Variants in SPATA2L observed in about 807,000 individuals in gnomAD.
The protein encoded by SPATA2L is spermatogenesis associated 2 like.
SPATA2L carries 5 observed loss-of-function variants against 8.7 expected under a neutral mutation model. That is an observed-to-expected ratio of 0.57 (90% CI 0.30 to 1.21). The LOEUF is 1.21. Among genes scored for constraint, SPATA2L ranks in the 50% most tolerant of loss-of-function variants. The probability of loss-of-function intolerance (pLI) is 0.07; values close to 1 mark genes in which losing one functional copy is unlikely to be tolerated. For synonymous variants in SPATA2L, 358 were observed against 275.8 expected (o/e 1.30, Z -2.95); for missense variants, 671 against 591.0 (o/e 1.14, Z -1.40).
chr16:89,700,387 C>T (rs2060768107), intron 2 of SPATA2L, among the ~76,000 whole-genome samples: 1 of 152,152 alleles, frequency 6.6e-6, no homozygotes, highest in Non-Finnish European at 1.5e-5. Flanking sequence ...TCAGAGCTCC[C>T]GGCGGCCCTG....
chr16:89,698,474 CTTTTTTTTTTTTTTTTT>C (rs61610413), intron 2 of SPATA2L, among the ~76,000 whole-genome samples, 169 bp from the exon 3 acceptor site: 1 of 54,110 alleles, frequency 1.8e-5, no homozygotes, highest in Non-Finnish European at 3.2e-5. Flanking sequence ...ATGATGATTT[CTTTTTTTTTTTTTTTTT>C]TTTTTTTTTT....
intron 1 of SPATA2L, 130 bp from the exon 2 acceptor site, chr16:89,701,363 G>A: frequency 1.1e-6 from 1 of 951,272 alleles, no homozygotes; most frequent in Non-Finnish European, 1.4e-6. Flanking sequence ...GCGGCTGGGC[G>A]CCCCCGGTAT....
Position 89,698,134 on chromosome 16 carries a change from G to A in SPATA2L, c.475C>T (p.Arg159Trp), listed in dbSNP as rs751942791. The A allele has an allele frequency of 3.7e-6, 6 of 1,609,858 alleles. No homozygotes were observed. The highest frequency in any genetic ancestry group is 1.1e-5 in the South Asian group (1 of 90,864). The change falls in exon 3 of 3, where the codon CGG becomes TGG. Residue 159 changes from arginine to tryptophan, a missense_variant. Arg to Trp is a moderately radical substitution (Grantham distance 101). Transcript: ENST00000289805. ...VQVALGCFALRLECEILGEVL... is the reference protein window; with the variant it reads ...VQVALGCFALWLECEILGEVL... ...TCACCCAGGATCTCACACTCCAGCC[G>A]GAGGGCGAAGCAGCCCAGGGCCACC...
Position 89,698,162 on chromosome 16 carries a change from C to T in SPATA2L, c.447G>A (p.Val149=). The T allele has an allele frequency of 6.2e-7, 1 of 1,611,548 alleles. No homozygotes were observed. The highest frequency in any genetic ancestry group is 8.5e-7 in the Non-Finnish European group (1 of 1,179,404). The change falls in exon 3 of 3, where the codon GTG becomes GTA. Residue 149 remains valine (V), a synonymous_variant. Transcript: ENST00000289805. ...GGGCGAAGCAGCCCAGGGCCACCTGCACCAGCTGGCAGGCGGGGGGCAGGG... is the reference window on the plus strand; with the variant it reads ...GGGCGAAGCAGCCCAGGGCCACCTGTACCAGCTGGCAGGCGGGGGGCAGGG... ...VTALPPACQL[V]QVALGCFALR... is the part of the protein sequence containing the mutation.
rs1318547191 is a variant in SPATA2L, at chr16:89,696,520, C to T, written c.*814G>A. The T allele has an allele frequency of 2.4e-5, 10 of 424,126 alleles. No homozygotes were observed. Among genetic ancestry groups the T allele is most frequent in the East Asian group, 3.9e-5 (1 of 25,762 alleles). The allele number at this position is 424,126 out of a possible 1,614,324, so 26.3% of individuals were successfully genotyped here. ...AGTGGATGCACCCTGCCCTCTCCCT[C>T]GCCAGACCCGAGGGTAGGGCAGAGG... is the stretch of plus-strand genomic sequence containing the variant. On this transcript the variant is annotated 3_prime_UTR_variant, in exon 3 of 3. Transcript: ENST00000289805.
At position 89,697,270 on chromosome 16, in the gene SPATA2L, C is replaced by A. The variant is rs1373072668; in HGVS notation, c.*64G>T. ...AGGCAACCAGAGGCCCAGACCCCTC[C>A]CCAGCAAAGAGAAGCACCACGGGAG... is the stretch of plus-strand genomic sequence containing the variant. On this transcript the variant is annotated 3_prime_UTR_variant, in exon 3 of 3. Coordinates refer to ENST00000289805, the MANE Select transcript of SPATA2L (RefSeq NM_152339.4). 2.8e-6 allele frequency: 4 copies of A among 1,450,866 alleles called. No individual in the cohort carries two copies. The highest frequency in any genetic ancestry group is 2.8e-5 in the African/African-American group (2 of 70,708). The allele number at this position is 1,450,866 out of a possible 1,614,324, so 89.9% of individuals were successfully genotyped here.
At position 89,697,248 on chromosome 16, in the gene SPATA2L, C is replaced by G. The variant is rs1455038013; in HGVS notation, c.*86G>C. ...GCCCAGGACTCCCCCAGGGACAAGG[C>G]AACCAGAGGCCCAGACCCCTCCCCA... is the stretch of plus-strand genomic sequence containing the variant. On this transcript the variant is annotated 3_prime_UTR_variant, in exon 3 of 3. Transcript: ENST00000289805. The G allele has an allele frequency of 7.1e-7, 1 of 1,418,046 alleles. No individual in the cohort carries two copies. The highest frequency in any genetic ancestry group is 1.4e-5 in the African/African-American group (1 of 69,850). The allele number at this position is 1,418,046 out of a possible 1,614,324, so 87.8% of individuals were successfully genotyped here.
Position 89,697,367 on chromosome 16 carries a change from A to T in SPATA2L, c.1242T>A (p.Thr414=). 4.5e-6 allele frequency: 7 copies of T among 1,551,854 alleles called. No individual in the cohort carries two copies. Among genetic ancestry groups the T allele is most frequent in the African/African-American group, 1.4e-5 (1 of 73,420 alleles). Residue 414 remains threonine, a synonymous_variant, in exon 3 of 3, where the codon ACT becomes ACA. Transcript: ENST00000289805. ...GGGCCCCGGGGCTGTTGTAGAGCAG[A>T]GTGTCCATCTGTGCACGCTGTAGCC... is the stretch of plus-strand genomic sequence containing the variant. The part of the protein sequence containing the change: ...RLWLQRAQMD[T]LLYNSPGARP
intron 2 of SPATA2L, 142 bp from the exon 3 acceptor site, chr16:89,698,447 T>G: frequency 1.6e-6 from 1 of 618,772 alleles, no homozygotes; most frequent in Admixed American, 3.0e-5. Flanking sequence ...CTTAGCCAGC[T>G]TGGGCCAGGC....
intron 2 of SPATA2L, among the ~76,000 whole-genome samples, chr16:89,699,325 C>T (rs1428227420): frequency 6.6e-6 from 1 of 152,040 alleles, no homozygotes; most frequent in African/African-American, 2.4e-5. Flanking sequence ...TTTTTTTCAC[C>T]TCTTTGTAAG....
At position 89,697,656 on chromosome 16, in the gene SPATA2L, C is replaced by G; in HGVS notation, c.953G>C (p.Arg318Thr). 6.2e-7 allele frequency: 1 copy of G among 1,609,846 alleles called. No homozygotes were observed. Among genetic ancestry groups the G allele is most frequent in the Non-Finnish European group, 8.5e-7 (1 of 1,179,856 alleles). The change falls in exon 3 of 3, where the codon AGG (arginine) becomes ACG (threonine). Residue 318 changes from arginine (R) to threonine (T), a missense_variant. Transcript: ENST00000289805. The stretch of plus-strand genomic sequence containing the variant: ...TTCAGGGGTGGCCAGGTCCCCAGGC[C>G]TACTCAGCTCACGGCGCAGAGAGAG... Reference protein sequence around the residue: ...SFLSLRRELSRPGDLATPESS... With the variant: ...SFLSLRRELSTPGDLATPESS...
Position 89,697,291 on chromosome 16 carries a change from G to T in SPATA2L, c.*43C>A. On this transcript the variant is annotated 3_prime_UTR_variant, in exon 3 of 3. Transcript: ENST00000289805. ...CCTCCCCAGCAAAGAGAAGCACCAC[G>T]GGAGCTGTCTCCCAAGAGCCCTTGA... The T allele has an allele frequency of 6.8e-7, 1 of 1,474,748 alleles. No individual in the cohort carries two copies. Among genetic ancestry groups the T allele is most frequent in the East Asian group, 2.3e-5 (1 of 42,580 alleles). 91.4% of individuals were successfully genotyped at this position (1,474,748 alleles called of 1,614,324 possible).
intron 2 of SPATA2L, among the ~76,000 whole-genome samples, chr16:89,699,460 C>G (rs546460762): frequency 6.6e-6 from 1 of 152,174 alleles, no homozygotes. Flanking sequence ...GTGTAGTATT[C>G]CACCATGGGG....
intron 2 of SPATA2L, among the ~76,000 whole-genome samples, chr16:89,699,019 C>G (rs1490918924): frequency 1.3e-5 from 2 of 152,078 alleles, no homozygotes; most frequent in African/African-American, 2.4e-5. Context: ...ATCCCTTGAC[C>G]TCATGATCCA....
chr16:89,697,534 T>G lies in SPATA2L; in HGVS notation c.1075A>C (p.Ser359Arg). Residue 359 changes from serine to arginine, a missense_variant, in exon 3 of 3, where the codon AGC becomes CGC. Coordinates refer to ENST00000289805, the MANE Select transcript of SPATA2L (RefSeq NM_152339.4). ...GGCAGGGCGCCAGGGGACAGGCAGCTGTGTGCCTGGTAGCCTGGGGGCTCC... is the reference window on the plus strand; with the variant it reads ...GGCAGGGCGCCAGGGGACAGGCAGCGGTGTGCCTGGTAGCCTGGGGGCTCC... ...VSEPPGYQAH[S>R]CLSPGALPTL... 1.3e-6 allele frequency: 2 copies of G among 1,592,460 alleles called. No homozygotes were observed. Among genetic ancestry groups the G allele is most frequent in the Non-Finnish European group, 1.7e-6 (2 of 1,170,190 alleles).
At chr16:89,699,392 T>G (rs925944912) in intron 2 of SPATA2L, among the ~76,000 whole-genome samples, 5 of 152,196 alleles carry the variant, frequency 3.3e-5, no homozygotes, top group Admixed American at 2.6e-4. Context: ...GAACTTTGTT[T>G]TTTTCCACTA....
At chr16:89,699,910 T>C (rs1166052452) in intron 2 of SPATA2L, among the ~76,000 whole-genome samples, 2 of 152,240 alleles carry the variant, frequency 1.3e-5, no homozygotes, top group Admixed American at 1.3e-4. Context: ...GGACAATCAC[T>C]GCGAGCGTCT....
rs778189117 is a variant in SPATA2L, at chr16:89,697,559, C to T, written c.1050G>A (p.Ser350=). Residue 350 remains serine (S), a synonymous_variant, in exon 3 of 3, where the codon TCG becomes TCA. Coordinates refer to ENST00000289805, the MANE Select transcript of SPATA2L (RefSeq NM_152339.4). ...TGTGTGCCTGGTAGCCTGGGGGCTCCGAGACAGACCTATAGGCTGAGGCTG... is the reference window on the plus strand; with the variant it reads ...TGTGTGCCTGGTAGCCTGGGGGCTCTGAGACAGACCTATAGGCTGAGGCTG... ...GVPASAYRSV[S]EPPGYQAHSC... 24 of 1,590,126 alleles carry T rather than the reference C, an allele frequency of 1.5e-5. No homozygotes were observed. The highest frequency in any genetic ancestry group is 1.4e-4 in the Admixed American group (8 of 58,856).
rs976035785 is a variant in SPATA2L, at chr16:89,696,488, C to T, written c.*846G>A. On this transcript the variant is annotated 3_prime_UTR_variant, in exon 3 of 3. Coordinates refer to ENST00000289805, the MANE Select transcript of SPATA2L (RefSeq NM_152339.4). ...TCAGGGAGTTGTGGGCCCAGAGGGGCTGTCACAGTGGATGCACCCTGCCCT... is the reference window on the plus strand; with the variant it reads ...TCAGGGAGTTGTGGGCCCAGAGGGGTTGTCACAGTGGATGCACCCTGCCCT... 9 of 362,246 alleles carry T rather than the reference C, an allele frequency of 2.5e-5. No homozygotes were observed. Among genetic ancestry groups the T allele is most frequent in the Non-Finnish European group, 4.0e-5 (8 of 198,604 alleles). 22.4% of individuals were successfully genotyped at this position (362,246 alleles called of 1,614,324 possible).
Sources: gnomAD v4.1 joint callset for allele counts (sites outside exome capture counted in the v4.1 genomes callset) on GRCh38, gnomAD v4.1.1 for gene constraint, MANE v1.5 for transcripts, NCBI Gene and HGNC (gene_info 2026-07-23, HGNC 2026-07-21) for gene names.